The following ADAMTSL1 variants were observed in gnomAD, a reference collection of about 807,000 sequenced individuals.
The protein encoded by ADAMTSL1 is ADAMTS like 1.
A neutral mutation model predicts 201.8 loss-of-function variants in ADAMTSL1; 126 were observed. The ratio of observed to expected loss-of-function variants is 0.62; its 90% CI spans 0.54 to 0.72. The LOEUF (loss-of-function observed/expected upper bound fraction) is 0.72. Ranked by LOEUF, ADAMTSL1 falls within the 30% of genes least tolerant of loss-of-function variation. The pLI is 0.00. For missense variants in ADAMTSL1, 2,679 were observed against 2,277.8 expected, an observed-to-expected ratio of 1.18 and a Z score of -3.59; for synonymous variants, 1,121 against 903.4, an observed-to-expected ratio of 1.24 and a Z score of -4.32.
At chr9:18,811,364 C>A (rs1823498433) in intron 20 of ADAMTSL1, among the ~76,000 whole-genome samples, 2 of 152,224 alleles carry the variant, frequency 1.3e-5, no homozygotes, top group South Asian at 4.1e-4. Flanking sequence ...CTTTCCCTCC[C>A]CACTGGGGTG....
intron 13 of ADAMTSL1, among the ~76,000 whole-genome samples, chr9:18,700,698 T>G: frequency 6.6e-6 from 1 of 152,202 alleles, no homozygotes; most frequent in Admixed American, 6.5e-5. Flanking sequence ...TATGTAAATT[T>G]TTTGGTCCTA....
intron 2 of ADAMTSL1, among the ~76,000 whole-genome samples, chr9:18,370,764 G>A (rs538171037): frequency 2.0e-5 from 3 of 151,022 alleles, no homozygotes; most frequent in Admixed American, 2.0e-4. Flanking sequence ...TTATGAGCCA[G>A]GCACAACTTT....
chr9:17,964,769 G>A (rs1349172618), intron 1 of ADAMTSL1, among the ~76,000 whole-genome samples: 1 of 152,194 alleles, frequency 6.6e-6, no homozygotes, highest in African/African-American at 2.4e-5. Context: ...TGAATCCACA[G>A]TGATCTAAAC....
At chr9:18,904,699 T>TA (rs1221265775) in intron 26 of ADAMTSL1, among the ~76,000 whole-genome samples, 2 of 134,468 alleles carry the variant, frequency 1.5e-5, no homozygotes, top group Non-Finnish European at 3.2e-5. Flanking sequence ...TTTTACGATT[T>TA]AAAAAAAATC....
intron 27 of ADAMTSL1, 89 bp downstream of exon 27, chr9:18,905,980 C>T: frequency 8.4e-7 from 1 of 1,192,488 alleles, no homozygotes. Flanking sequence ...CTCCAACTAA[C>T]TTACCACAGT....
At chr9:18,183,415 A>C (rs1828588147) in intron 2 of ADAMTSL1, among the ~76,000 whole-genome samples, 1 of 152,248 alleles carries the variant, frequency 6.6e-6, no homozygotes, top group Non-Finnish European at 1.5e-5. Flanking sequence ...TTTGTAAAAG[A>C]TAATGTCAAG....
chr9:18,151,658 G>A (rs1826918775), intron 1 of ADAMTSL1, among the ~76,000 whole-genome samples: 1 of 152,022 alleles, frequency 6.6e-6, no homozygotes, highest in African/African-American at 2.4e-5. Flanking sequence ...CAGTAGGTTA[G>A]GGCCCCTGGC....
At chr9:18,288,859 G>A (rs1317027608) in intron 2 of ADAMTSL1, among the ~76,000 whole-genome samples, 1 of 152,136 alleles carries the variant, frequency 6.6e-6, no homozygotes, top group East Asian at 1.9e-4. Flanking sequence ...AAGCCAGTGT[G>A]GTATAAATGG....
intron 23 of ADAMTSL1, among the ~76,000 whole-genome samples, chr9:18,851,449 G>A (rs1826486571): frequency 6.6e-6 from 1 of 152,168 alleles, no homozygotes; most frequent in Non-Finnish European, 1.5e-5. Context: ...TGCCTCCTTA[G>A]AGGAATTAAT....
chr9:18,787,092 A>G (rs946313643), intron 19 of ADAMTSL1, among the ~76,000 whole-genome samples: 2 of 152,238 alleles, frequency 1.3e-5, no homozygotes, highest in African/African-American at 2.4e-5. Context: ...GCAGTTTCCA[A>G]GTTTGCAGAT....
chr9:18,507,247 G>A (rs910545006), intron 2 of ADAMTSL1, among the ~76,000 whole-genome samples: 3 of 152,154 alleles, frequency 2.0e-5, no homozygotes, highest in African/African-American at 7.2e-5. Context: ...CTGGAGACAA[G>A]CAGCTCATGA....
chr9:18,777,730 G>C lies in ADAMTSL1; in HGVS notation c.3501G>C (p.Leu1167=). 1 of 1,613,610 alleles carries C rather than the reference G, an allele frequency of 6.2e-7. No individual in the cohort carries two copies. Among genetic ancestry groups the C allele is most frequent in the African/African-American group, 1.3e-5 (1 of 75,066 alleles). ...SRRPHRKPTI[L]RKISAAQQLS... ...GGCCACACCGCAAGCCCACCATCCT[G>C]CGCAAGATCTCAGCGGCCCAGCAGC... The change falls in exon 19 of 29, where the codon CTG becomes CTC. Residue 1167 remains leucine, a synonymous_variant. Coordinates refer to ENST00000380548, the MANE Select transcript of ADAMTSL1 (RefSeq NM_001040272.6).
chr9:18,114,383 A>G (rs1259989182), intron 1 of ADAMTSL1, among the ~76,000 whole-genome samples: 1 of 152,166 alleles, frequency 6.6e-6, no homozygotes, highest in African/African-American at 2.4e-5. Context: ...TGTGCTGCAT[A>G]TACCATGTGA....
At chr9:18,282,800 G>C (rs1417220652) in intron 2 of ADAMTSL1, among the ~76,000 whole-genome samples, 1 of 152,198 alleles carries the variant, frequency 6.6e-6, no homozygotes, top group Non-Finnish European at 1.5e-5. Context: ...GGGAGGCTGA[G>C]GCAGGAGAAT....
chr9:18,858,780 C>G (rs1827024424), intron 23 of ADAMTSL1, among the ~76,000 whole-genome samples: 1 of 152,176 alleles, frequency 6.6e-6, no homozygotes, highest in Non-Finnish European at 1.5e-5. Context: ...TAAGAGAATG[C>G]TGTCATTGGT....
In ADAMTSL1 at chr9:18,777,349, C is replaced by T. The variant is rs1294636542; in HGVS notation, c.3120C>T (p.Ala1040=). The change falls in exon 19 of 29, where the codon GCC becomes GCT. Residue 1040 remains alanine (A), a synonymous_variant. Transcript: ENST00000380548. ...EQGGWPGELL[A]SWEAQDSAER... is the part of the protein sequence containing the mutation. ...GCGGCTGGCCCGGAGAGCTGCTGGCCTCGTGGGAGGCGCAGGACTCTGCGG... is the reference window on the plus strand; with the variant it reads ...GCGGCTGGCCCGGAGAGCTGCTGGCTTCGTGGGAGGCGCAGGACTCTGCGG... 2 of 1,602,164 alleles carry T rather than the reference C, an allele frequency of 1.2e-6. No homozygotes were observed. The highest frequency in any genetic ancestry group is 1.7e-5 in the Admixed American group (1 of 58,492).
chr9:18,374,777 G>T (rs1251210315), intron 2 of ADAMTSL1, among the ~76,000 whole-genome samples: 1 of 152,160 alleles, frequency 6.6e-6, no homozygotes, highest in Non-Finnish European at 1.5e-5. Flanking sequence ...AAAGCAGTAG[G>T]CTTGTCCATT....
Position 18,593,902 on chromosome 9 carries a change from T to A in ADAMTSL1, c.474+19636T>A, listed in dbSNP as rs1454386669. ...ATTCTGCAGCCACTGAATGAAATGTTCTATAAATATCTATTAGATCCATTT... is the reference window on the plus strand; with the variant it reads ...ATTCTGCAGCCACTGAATGAAATGTACTATAAATATCTATTAGATCCATTT... On this transcript the variant is annotated intron_variant, in intron 4 of 28. Transcript: ENST00000380548. 2.0e-5 allele frequency among the ~76,000 whole-genome samples: 3 copies of A among 152,244 alleles called. No individual in the cohort carries two copies. In the East Asian group the frequency reaches 5.8e-4, roughly 29 times the overall value.
intron 1 of ADAMTSL1, among the ~76,000 whole-genome samples, chr9:18,089,517 T>C (rs912096255): frequency 1.3e-5 from 2 of 152,158 alleles, no homozygotes; most frequent in Non-Finnish European, 2.9e-5. Flanking sequence ...CTAACGTAGA[T>C]GACGGGTTGA....
Sources: allele counts gnomAD v4.1 joint callset (sites outside exome capture counted in the v4.1 genomes callset), GRCh38; gene constraint gnomAD v4.1.1; transcripts MANE v1.5; gene names NCBI Gene and HGNC (gene_info 2026-07-23, HGNC 2026-07-21).